Variants in GPM6A observed in about 807,000 individuals in gnomAD.
The protein encoded by GPM6A is neuronal membrane glycoprotein M6-a.
In GPM6A, 7 loss-of-function variants were observed where a neutral mutation model predicts 32.1. The observed-to-expected ratio is 0.22, with a 90% CI of 0.12 to 0.41. GPM6A has a LOEUF of 0.41. Ranked by LOEUF, GPM6A falls within the 10% of genes least tolerant of loss-of-function variation. GPM6A has a pLI of 1.00. For synonymous variants in GPM6A, 130 were observed against 123.4 expected, an observed-to-expected ratio of 1.05 and a Z score of -0.35; for missense variants, 235 against 347.2, an observed-to-expected ratio of 0.68 and a Z score of 2.57.
upstream of GPM6A, chr4:175,812,299 G>GTTTTTT (rs1560946608): frequency 1.3e-6 from 1 of 790,372 alleles, no homozygotes. Flanking sequence ...GAAAAACTGG[G>GTTTTTT]GGTTTTTTTT....
rs777975551 is a variant in GPM6A at position 175,634,938 on chromosome 4, A to G, written c.804T>C (p.Thr268=). The G allele has an allele frequency of 1.4e-5, 22 of 1,613,718 alleles. No homozygotes were observed. The highest frequency in any genetic ancestry group is 1.8e-5 in the Non-Finnish European group (21 of 1,179,760). Residue 268 remains threonine (T), a synonymous_variant, in exon 7 of 7, where the codon ACT becomes ACC. Coordinates refer to ENST00000393658, the MANE Select transcript of GPM6A (RefSeq NM_201591.3). ...ATGCATTGAGCCGCTCTTTGGAGCG[A>G]GTAGAGTGGATGTCATGAAGCTCTT... ...EEQELHDIHS[T]RSKERLNAYT
chr4:175,871,719 T>C (rs1736915415), intron 1 of GPM6A, among the ~76,000 whole-genome samples: 1 of 152,178 alleles, frequency 6.6e-6, no homozygotes, highest in Admixed American at 6.5e-5. Context: ...CGTATAGGAA[T>C]ATTGCCTATT....
At chr4:175,862,187 A>C (rs1736594672) in intron 1 of GPM6A, among the ~76,000 whole-genome samples, 1 of 152,202 alleles carries the variant, frequency 6.6e-6, no homozygotes, top group South Asian at 2.1e-4. Context: ...CATAGAGAAA[A>C]GTGTGCACTT....
At chr4:175,641,832 G>A (rs1208602769) in intron 4 of GPM6A, 1 of 152,096 alleles carries the variant, frequency 6.6e-6, no homozygotes, top group Middle Eastern at 3.1e-3. Flanking sequence ...TGGGATTACA[G>A]GTGCCCGCCA....
intron 1 of GPM6A, among the ~76,000 whole-genome samples, chr4:175,945,122 C>A (rs1189620362): frequency 6.6e-6 from 1 of 151,838 alleles, no homozygotes; most frequent in Non-Finnish European, 1.5e-5. Context: ...TGTGACGAAG[C>A]CAAGTACGTG....
chr4:175,992,089 CACAG>C (rs1730809978), intron 1 of GPM6A, among the ~76,000 whole-genome samples: 1 of 151,692 alleles, frequency 6.6e-6, no homozygotes, highest in African/African-American at 2.4e-5. Context: ...CACACACACA[CACAG>C]AGATGTAAAT....
intron 1 of GPM6A, among the ~76,000 whole-genome samples, chr4:175,912,966 A>G (rs1024297874): frequency 6.6e-6 from 1 of 152,324 alleles, no homozygotes; most frequent in East Asian, 1.9e-4. Context: ...ATAATTTTTT[A>G]ATTGCATTTT....
intron 1 of GPM6A, among the ~76,000 whole-genome samples, chr4:175,932,107 A>AG (rs977407012): frequency 6.6e-6 from 1 of 151,704 alleles, no homozygotes; most frequent in African/African-American, 2.4e-5. Context: ...GGAAAAAAAA[A>AG]AAAAAAGAAA....
intron 1 of GPM6A, among the ~76,000 whole-genome samples, chr4:175,784,661 TATG>T (rs1174913362): frequency 6.6e-6 from 1 of 152,136 alleles, no homozygotes; most frequent in East Asian, 1.9e-4. Flanking sequence ...AAAAACAAAT[TATG>T]ATGATTATAG....
chr4:175,855,754 G>T (rs1228800272), intron 1 of GPM6A, among the ~76,000 whole-genome samples: 1 of 152,214 alleles, frequency 6.6e-6, no homozygotes, highest in Non-Finnish European at 1.5e-5. Flanking sequence ...TAATGGATTA[G>T]AGTTGAAGAT....
At chr4:175,696,812 T>C (rs930432986) in intron 2 of GPM6A, among the ~76,000 whole-genome samples, 1 of 152,198 alleles carries the variant, frequency 6.6e-6, no homozygotes, top group East Asian at 1.9e-4. Context: ...TCCATTAAGC[T>C]GCTAACAACT....
At chr4:175,724,333 T>C (rs992090328) in intron 1 of GPM6A, among the ~76,000 whole-genome samples, 5 of 152,118 alleles carry the variant, frequency 3.3e-5, no homozygotes, top group Non-Finnish European at 7.4e-5. Context: ...TCACCTGACG[T>C]CAGGAGTTCA....
chr4:175,715,970 CAGG>C (rs1745822328), intron 1 of GPM6A, among the ~76,000 whole-genome samples: 1 of 152,070 alleles, frequency 6.6e-6, no homozygotes, highest in African/African-American at 2.4e-5. Context: ...GAGGCTGAGG[CAGG>C]AGAATAGCTT....
At position 175,713,434 on chromosome 4, in the gene GPM6A, G is replaced by T. The variant is rs924775017; in HGVS notation, c.38-11667C>A. On this transcript the variant is annotated intron_variant, in intron 1 of 6. Coordinates refer to ENST00000393658, the MANE Select transcript of GPM6A (RefSeq NM_201591.3). ...TCTTGAACTCCTGACCTTGTGATCC[G>T]CCTGTCTCAGCCTCCCAAAGTGCTG... 2.0e-5 allele frequency among the ~76,000 whole-genome samples: 3 copies of T among 152,150 alleles called. No homozygotes were observed. In the East Asian group the frequency reaches 5.8e-4, roughly 29 times the overall value.
chr4:175,741,095 G>T (rs866452200), intron 1 of GPM6A, among the ~76,000 whole-genome samples: 1 of 151,924 alleles, frequency 6.6e-6, no homozygotes, highest in African/African-American at 2.4e-5. Context: ...GTTCTCCAAC[G>T]TATTCACAGG....
At chr4:175,969,479 C>T (rs1475214812) in intron 1 of GPM6A, among the ~76,000 whole-genome samples, 8 of 152,124 alleles carry the variant, frequency 5.3e-5, no homozygotes, top group East Asian at 1.9e-4. Context: ...GAAGCTGAAG[C>T]GAGAAGATCA....
chr4:175,977,395 T>A (rs1448605654), intron 1 of GPM6A, among the ~76,000 whole-genome samples: 1 of 152,202 alleles, frequency 6.6e-6, no homozygotes, highest in African/African-American at 2.4e-5. Flanking sequence ...TTTCTTTCAA[T>A]GTTTTGTCTT....
chr4:175,675,968 G>T (rs1466563864), intron 2 of GPM6A, among the ~76,000 whole-genome samples: 1 of 152,102 alleles, frequency 6.6e-6, no homozygotes, highest in African/African-American at 2.4e-5. Context: ...TAATCCCCAT[G>T]TGTCATGGGA....
intron 1 of GPM6A, among the ~76,000 whole-genome samples, chr4:175,709,299 G>GTTTCTCTC (rs1745393938): frequency 7.4e-6 from 1 of 134,928 alleles, no homozygotes; most frequent in African/African-American, 2.8e-5. Context: ...TTCTCTCTCT[G>GTTTCTCTC]TCTCTCTCTC....
Sources: allele counts gnomAD v4.1 joint callset (sites outside exome capture counted in the v4.1 genomes callset), GRCh38; gene constraint gnomAD v4.1.1; transcripts MANE v1.5; gene names NCBI Gene and HGNC (gene_info 2026-07-23, HGNC 2026-07-21).